Variants in DPF3 observed in about 807,000 individuals in gnomAD.
DPF3 encodes the protein double PHD fingers 3.
Under a neutral mutation model 56.8 loss-of-function variants are expected in DPF3, and 18 were observed. The ratio of observed to expected loss-of-function variants is 0.32; its 90% CI spans 0.22 to 0.47. The LOEUF (loss-of-function observed/expected upper bound fraction) is 0.47. Ranked by LOEUF, DPF3 falls within the 20% of genes least tolerant of loss-of-function variation. The pLI is 1.00. For missense variants in DPF3, 403 were observed against 488.8 expected (o/e 0.82, Z 1.65); for synonymous variants, 188 against 180.2 (o/e 1.04, Z -0.35).
intron 7 of DPF3, among the ~76,000 whole-genome samples, chr14:72,690,330 A>C (rs1399829948): frequency 6.6e-6 from 1 of 151,974 alleles, no homozygotes; most frequent in Admixed American, 6.6e-5. Flanking sequence ...AAGTCAACCA[A>C]CCCTGAGGGG....
intron 5 of DPF3, among the ~76,000 whole-genome samples, chr14:72,721,339 G>A (rs1889164899): frequency 6.6e-6 from 1 of 152,208 alleles, no homozygotes; most frequent in African/African-American, 2.4e-5. Context: ...GGGGAGAGGT[G>A]TGAAGAGGAC....
At chr14:72,801,730 C>G (rs1050331701) in intron 1 of DPF3, among the ~76,000 whole-genome samples, 5 of 152,164 alleles carry the variant, frequency 3.3e-5, no homozygotes, top group African/African-American at 9.7e-5. Context: ...TAGCCCCATA[C>G]TAAATGGTGC....
chr14:72,657,319 G>A (rs748928419), intron 8 of DPF3, among the ~76,000 whole-genome samples: 3 of 152,150 alleles, frequency 2.0e-5, no homozygotes, highest in African/African-American at 4.8e-5. Flanking sequence ...TAAGACCCAA[G>A]TTGCTAGAGA....
intron 1 of DPF3, among the ~76,000 whole-genome samples, chr14:72,850,635 C>T (rs1474808398): frequency 6.6e-6 from 1 of 152,160 alleles, no homozygotes; most frequent in Non-Finnish European, 1.5e-5. Flanking sequence ...ACACACAGGT[C>T]ACAAACATCT....
chr14:72,645,112 G>A (rs1272053024), intron 8 of DPF3, among the ~76,000 whole-genome samples: 2 of 152,110 alleles, frequency 1.3e-5, no homozygotes, highest in African/African-American at 4.8e-5. Context: ...GAGAATTAAG[G>A]ACTCACATCT....
intron 1 of DPF3, among the ~76,000 whole-genome samples, chr14:72,786,132 G>A (rs1892198890): frequency 6.6e-6 from 1 of 152,094 alleles, no homozygotes; most frequent in Admixed American, 6.5e-5. Context: ...GCATGGTGGT[G>A]CATGCCTGTA....
chr14:72,728,344 A>T (rs2139849507), intron 4 of DPF3, among the ~76,000 whole-genome samples: 1 of 152,270 alleles, frequency 6.6e-6, no homozygotes, highest in East Asian at 1.9e-4. Context: ...AGTCTAAAAG[A>T]TGAGTGAGAT....
rs1046336132 is a variant in DPF3, at chr14:72,611,713, A to T, written c.*7584T>A. On this transcript the variant is annotated 3_prime_UTR_variant, in exon 11 of 11. Coordinates refer to ENST00000556509, the MANE Select transcript of DPF3 (RefSeq NM_001280542.3). Reference sequence around the variant, plus strand: ...CAGTTCACCAGTTTTAATGCTGAGGATGCTGTCATCCAAGGGCATCCAGTG... The same window carrying T: ...CAGTTCACCAGTTTTAATGCTGAGGTTGCTGTCATCCAAGGGCATCCAGTG... 5.9e-5 allele frequency among the ~76,000 whole-genome samples: 9 copies of T among 152,172 alleles called. No individual in the cohort carries two copies. The highest frequency in any genetic ancestry group is 2.2e-4 in the African/African-American group (9 of 41,434).
At position 72,693,106 on chromosome 14, in the gene DPF3, G is replaced by A. The variant is rs767543561; in HGVS notation, c.712C>T (p.Pro238Ser). Reference protein sequence around the residue: ...DEAQDQETRSPPNHRNENHRP... With the variant: ...DEAQDQETRSSPNHRNENHRP... ...TGGTTCTCATTTCTGTGGTTGGGTG[G>A]GGACCGAGTCTCCTGGTCTTGAGCT... The change falls in exon 7 of 11, where the codon CCA (proline) becomes TCA (serine). Residue 238 changes from proline (P) to serine (S), a missense_variant. Physicochemically the swap from Pro to Ser is moderately conservative, Grantham distance 74. Coordinates refer to ENST00000556509, the MANE Select transcript of DPF3 (RefSeq NM_001280542.3). The A allele has an allele frequency of 2.5e-6, 4 of 1,613,900 alleles. No individual in the cohort carries two copies. Among genetic ancestry groups the A allele is most frequent in the East Asian group, 2.2e-5 (1 of 44,884 alleles).
chr14:72,881,327 TTGTTGTTGC>T (rs1476610029), intron 1 of DPF3, among the ~76,000 whole-genome samples: 4 of 151,444 alleles, frequency 2.6e-5, no homozygotes, highest in East Asian at 3.9e-4. Flanking sequence ...GTTGTTGTTG[TTGTTGTTGC>T]TGTTGTTGTT....
intron 1 of DPF3, among the ~76,000 whole-genome samples, chr14:72,887,448 G>C (rs181871143): frequency 1.1e-3 from 170 of 152,318 alleles, no homozygotes; most frequent in African/African-American, 3.9e-3. Context: ...ACCCAGCTTA[G>C]AACCCCAAGA....
At chr14:72,786,752 C>T (rs956811190) in intron 1 of DPF3, among the ~76,000 whole-genome samples, 3 of 152,192 alleles carry the variant, frequency 2.0e-5, no homozygotes, top group African/African-American at 7.2e-5. Flanking sequence ...TAATAAAAAC[C>T]CATAAATACA....
rs573315529 is a variant in DPF3, at chr14:72,721,636, C to T, written c.525+1997G>A. Among the ~76,000 whole-genome samples, 49 of 152,240 alleles carry T rather than the reference C, an allele frequency of 3.2e-4. No individual in the cohort carries two copies. The South Asian group carries it at 0.01, about 32-fold the overall frequency. ...AATCTACTGATCAATTAAAACACCA[C>T]CCAAAGCAGAACTGGACAGGGTATG... On this transcript the variant is annotated intron_variant, in intron 5 of 10. Transcript: ENST00000556509.
Position 72,623,749 on chromosome 14 carries a change from C to A in DPF3, c.985-3765G>T, listed in dbSNP as rs748787736. Among the ~76,000 whole-genome samples the A allele has an allele frequency of 5.7e-4, 87 of 152,168 alleles. 1 individual carries two copies. The Middle Eastern group carries it at 9.5e-3, about 17-fold the overall frequency. Reference sequence around the variant, plus strand: ...CTTTAAAACAAGCAAAAAATATTTTCTACCTCTGTCCACAGAAAGTGCTCC... The same window carrying A: ...CTTTAAAACAAGCAAAAAATATTTTATACCTCTGTCCACAGAAAGTGCTCC... On this transcript the variant is annotated intron_variant, in intron 9 of 10. Transcript: ENST00000556509.
At chr14:72,696,163 T>G (rs1261484905) in intron 6 of DPF3, among the ~76,000 whole-genome samples, 1 of 152,194 alleles carries the variant, frequency 6.6e-6, no homozygotes, top group African/African-American at 2.4e-5. Context: ...ATGATAATGA[T>G]ATCAGTATTT....
intron 1 of DPF3, among the ~76,000 whole-genome samples, chr14:72,812,262 C>T (rs1883081726): frequency 6.6e-6 from 1 of 152,166 alleles, no homozygotes; most frequent in South Asian, 2.1e-4. Flanking sequence ...CCTCTCCCAT[C>T]CCACAGGCAG....
chr14:72,836,355 C>T (rs1884293677), intron 1 of DPF3: 3 of 985,532 alleles, frequency 3.0e-6, no homozygotes. Context: ...CCAGGTGGCA[C>T]ACCAGCACTC....
chr14:72,804,839 T>C (rs1298347533), intron 1 of DPF3, among the ~76,000 whole-genome samples: 1 of 152,202 alleles, frequency 6.6e-6, no homozygotes, highest in African/African-American at 2.4e-5. Flanking sequence ...GGAGGTGTCA[T>C]GGAAGACAGA....
chr14:72,711,625 G>A (rs955878584), intron 6 of DPF3, among the ~76,000 whole-genome samples: 4 of 152,134 alleles, frequency 2.6e-5, no homozygotes, highest in Non-Finnish European at 2.9e-5. Flanking sequence ...TAGAGACTAT[G>A]GGGTGGGGCC....
Sources: allele counts gnomAD v4.1 joint callset (sites outside exome capture counted in the v4.1 genomes callset), GRCh38; gene constraint gnomAD v4.1.1; transcripts MANE v1.5; gene names NCBI Gene and HGNC (gene_info 2026-07-23, HGNC 2026-07-21).